CRB1: variants seen among roughly 807,000 people sequenced by gnomAD.
CRB1 encodes the protein crumbs cell polarity complex component 1.
A neutral mutation model predicts 120.0 loss-of-function variants in CRB1; 83 were observed. The observed-to-expected ratio is 0.69, with a 90% CI of 0.58 to 0.83. The LOEUF is 0.83. Ranked by LOEUF, CRB1 falls within the 40% of genes least tolerant of loss-of-function variation. The pLI is 0.00. For missense variants in CRB1, 1,699 were observed against 1,687.6 expected (o/e 1.01, Z -0.12); for synonymous variants, 625 against 612.5 (o/e 1.02, Z -0.30).
At chr1:197,246,884 G>A in the CRB1 span, among the ~76,000 whole-genome samples, 1 of 152,036 alleles carries the variant, frequency 6.6e-6, no homozygotes, top group Non-Finnish European at 1.5e-5. Context: ...TTTAAAGAAA[G>A]TTTGCTGATC....
chr1:197,287,937 A>G (rs942651272), intron 1 of CRB1, among the ~76,000 whole-genome samples: 4 of 151,888 alleles, frequency 2.6e-5, no homozygotes, highest in African/African-American at 7.2e-5. Context: ...ATCAGCTATC[A>G]GAGAATGAAG....
intron 10 of CRB1, chr1:197,439,977 T>C (rs1274950774): frequency 1.3e-5 from 2 of 152,216 alleles, no homozygotes; most frequent in African/African-American, 4.8e-5. Context: ...TTCTTTGTGG[T>C]ACAGGCATTC....
intron 11 of CRB1, among the ~76,000 whole-genome samples, chr1:197,473,294 G>C (rs1424270326): frequency 6.6e-6 from 1 of 152,136 alleles, no homozygotes; most frequent in Admixed American, 6.5e-5. Flanking sequence ...TCTTTTCTGG[G>C]ATTAAGAGGA....
intron 1 of CRB1, among the ~76,000 whole-genome samples, chr1:197,325,981 G>GGA (rs1658471321): frequency 6.6e-6 from 1 of 151,898 alleles, no homozygotes. Context: ...AGAGAGCTAG[G>GGA]GAGAGAATTA....
At chr1:197,291,121 C>A (rs1338122726) in intron 1 of CRB1, among the ~76,000 whole-genome samples, 1 of 151,712 alleles carries the variant, frequency 6.6e-6, no homozygotes, top group Non-Finnish European at 1.5e-5. Context: ...ACTTCAAGAG[C>A]TAGGATGATG....
chr1:197,223,262 C>T, the CRB1 span: 1 of 944,544 alleles, frequency 1.1e-6, no homozygotes, highest in Non-Finnish European at 1.7e-6. Flanking sequence ...TTGAATATTC[C>T]TTGTGCCAGA....
chr1:197,330,924 G>C (rs924955966), intron 2 of CRB1, among the ~76,000 whole-genome samples: 1 of 152,198 alleles, frequency 6.6e-6, no homozygotes, highest in Non-Finnish European at 1.5e-5. Flanking sequence ...GCCAGGCGCG[G>C]TGGCTCACGC....
At chr1:197,263,178 T>C in the CRB1 span, among the ~76,000 whole-genome samples, 1 of 152,178 alleles carries the variant, frequency 6.6e-6, no homozygotes, top group African/African-American at 2.4e-5. Context: ...ATCTGTAGCC[T>C]CACCAGCATC....
the CRB1 span, among the ~76,000 whole-genome samples, chr1:197,252,580 A>ATGTGTGTGTGTGTGTGTGTGTG: frequency 4.5e-5 from 1 of 22,318 alleles, no homozygotes; most frequent in Non-Finnish European, 1.0e-4. Flanking sequence ...ATATATATAT[A>ATGTGTGTGTGTGTGTGTGTGTG]TATGTGTGTG....
At chr1:197,311,618 A>G (rs994263532) in intron 1 of CRB1, among the ~76,000 whole-genome samples, 12 of 151,912 alleles carry the variant, frequency 7.9e-5, no homozygotes, top group African/African-American at 1.9e-4. Context: ...GATGAACACT[A>G]TGATGCTTAG....
chr1:197,409,993 G>T (rs1241275844), intron 5 of CRB1, among the ~76,000 whole-genome samples: 1 of 152,098 alleles, frequency 6.6e-6, no homozygotes, highest in African/African-American at 2.4e-5. Context: ...CACCGTGTTA[G>T]CCAGAATGAT....
rs1333615793 is a variant in CRB1 at position 197,435,120 on chromosome 1, C to A, written c.3257C>A (p.Ala1086Asp). Residue 1086 changes from alanine to aspartate, a missense_variant, in exon 9 of 12, where the codon GCT becomes GAT. Physicochemically the swap from Ala to Asp is moderately radical, Grantham distance 126. Transcript: ENST00000367400. ...ACAGATATTTATGTGGGAGACAGAGCTATTGACAATATAAAGGGCCTGCAA... is the reference window on the plus strand; with the variant it reads ...ACAGATATTTATGTGGGAGACAGAGATATTGACAATATAAAGGGCCTGCAA... ...DNTDIYVGDR[A>D]IDNIKGLQGC... 6.2e-7 allele frequency: 1 copy of A among 1,613,876 alleles called. No individual in the cohort carries two copies.
At chr1:197,383,636 AC>A (rs1226275319) in intron 5 of CRB1, among the ~76,000 whole-genome samples, 2 of 152,194 alleles carry the variant, frequency 1.3e-5, no homozygotes, top group East Asian at 3.8e-4. Flanking sequence ...GAACACTGTG[AC>A]GTAAACAGAC....
the CRB1 span, among the ~76,000 whole-genome samples, chr1:197,244,514 T>C: frequency 6.6e-6 from 1 of 152,082 alleles, no homozygotes; most frequent in Non-Finnish European, 1.5e-5. Context: ...CAATTTCTGA[T>C]GAGAAATTCT....
chr1:197,284,842 C>T (rs1655732807), intron 1 of CRB1, among the ~76,000 whole-genome samples: 1 of 151,852 alleles, frequency 6.6e-6, no homozygotes, highest in South Asian at 2.1e-4. Context: ...GAATCCACTG[C>T]TTGGTTGTAA....
At chr1:197,456,289 CTGAG>C (rs1487658348) in intron 11 of CRB1, among the ~76,000 whole-genome samples, 1 of 152,072 alleles carries the variant, frequency 6.6e-6, no homozygotes, top group East Asian at 1.9e-4. Flanking sequence ...CAGCATCATC[CTGAG>C]TAAGTATATA....
intron 4 of CRB1, among the ~76,000 whole-genome samples, chr1:197,350,834 C>T (rs567807363): frequency 6.6e-6 from 1 of 152,248 alleles, no homozygotes; most frequent in East Asian, 1.9e-4. Flanking sequence ...TCAGTTTCCT[C>T]ATTTATAATA....
At chr1:197,273,998 T>C (rs776266357) in intron 1 of CRB1, among the ~76,000 whole-genome samples, 1 of 152,094 alleles carries the variant, frequency 6.6e-6, no homozygotes, top group African/African-American at 2.4e-5. Flanking sequence ...CACAGAAATA[T>C]GTCTGTGTAC....
the CRB1 span, chr1:197,223,105 T>A: frequency 1.2e-6 from 1 of 820,354 alleles, no homozygotes; most frequent in African/African-American, 1.7e-5. Flanking sequence ...CGTATAATTT[T>A]GAATATTCAG....
Sources: gnomAD v4.1 joint callset for allele counts (sites outside exome capture counted in the v4.1 genomes callset) on GRCh38, gnomAD v4.1.1 for gene constraint, MANE v1.5 for transcripts, NCBI Gene and HGNC (gene_info 2026-07-23, HGNC 2026-07-21) for gene names.